Variants in STARD13 observed in about 807,000 individuals in gnomAD.
The protein encoded by STARD13 is StAR related lipid transfer domain containing 13.
STARD13 carries 62 observed loss-of-function variants against 106.4 expected under a neutral mutation model. That is an observed-to-expected ratio of 0.58 (90% CI 0.48 to 0.72). The LOEUF is 0.72. Among genes scored for constraint, STARD13 ranks in the 30% least tolerant of loss-of-function variants. STARD13 has a pLI of 0.00. For synonymous variants in STARD13, 565 were observed against 553.0 expected (o/e 1.02, Z -0.31); for missense variants, 1,387 against 1,424.0 (o/e 0.97, Z 0.42).
At chr13:33,359,992 T>G in the STARD13 span, among the ~76,000 whole-genome samples, 2 of 152,354 alleles carry the variant, frequency 1.3e-5, no homozygotes, top group Admixed American at 1.3e-4. Flanking sequence ...GAATGATTAC[T>G]TCAAAATAAC....
intron 1 of STARD13, among the ~76,000 whole-genome samples, chr13:33,215,745 C>G (rs1325920737): frequency 6.6e-6 from 1 of 152,106 alleles, no homozygotes; most frequent in African/African-American, 2.4e-5. Flanking sequence ...ATAGATAGAA[C>G]AGGAAACTTT....
At chr13:33,134,707 T>G (rs1340415165) in intron 4 of STARD13, among the ~76,000 whole-genome samples, 1 of 152,206 alleles carries the variant, frequency 6.6e-6, no homozygotes, top group African/African-American at 2.4e-5. Context: ...TAGATGAAAC[T>G]AGTTATTGTT....
intron 1 of STARD13, among the ~76,000 whole-genome samples, chr13:33,243,129 A>T (rs1346406944): frequency 4.0e-5 from 6 of 151,882 alleles, no homozygotes; most frequent in African/African-American, 7.2e-5. Flanking sequence ...CCTACCGCCC[A>T]CTCCATAGCA....
At chr13:33,586,839 G>T in the STARD13 span, among the ~76,000 whole-genome samples, 1 of 152,084 alleles carries the variant, frequency 6.6e-6, no homozygotes, top group East Asian at 1.9e-4. Context: ...TTCTGACATT[G>T]GTTCTCATGG....
intron 1 of STARD13, among the ~76,000 whole-genome samples, chr13:33,234,196 G>A (rs1174888346): frequency 6.6e-6 from 1 of 152,154 alleles, no homozygotes; most frequent in African/African-American, 2.4e-5. Flanking sequence ...TCAAACAGAT[G>A]CAGAACATCT....
chr13:33,582,204 A>ATGAGAT, the STARD13 span, among the ~76,000 whole-genome samples: 1 of 150,910 alleles, frequency 6.6e-6, no homozygotes, highest in Non-Finnish European at 1.5e-5. Context: ...CCTGGGCAAC[A>ATGAGAT]GAGTGAGACT....
chr13:33,272,355 C>G (rs1010879733), intron 1 of STARD13, among the ~76,000 whole-genome samples: 6 of 152,172 alleles, frequency 3.9e-5, no homozygotes, highest in African/African-American at 1.4e-4. Context: ...GATTCTGAAG[C>G]GTTTCAGACT....
chr13:33,180,379 C>T (rs2555607), intron 1 of STARD13: 58,325 of 152,066 alleles, frequency 0.38, 11,294 homozygotes, highest in East Asian at 0.5. Flanking sequence ...GCCTGATATG[C>T]GGGGATCTCA....
In STARD13 at chr13:33,104,876, T is replaced by A. The variant is rs1211896861; in HGVS notation, c.*717A>T. On this transcript the variant is annotated 3_prime_UTR_variant, in exon 14 of 14. Coordinates refer to ENST00000336934, the MANE Select transcript of STARD13 (RefSeq NM_178006.4). ...ACTCCTCATCTAGCTTTAAATTTGG[T>A]AATGACTTCTCACCCCCCCATTTGC... is the stretch of plus-strand genomic sequence containing the variant. 3.3e-5 allele frequency: 5 copies of A among 153,606 alleles called. No individual in the cohort carries two copies. The highest frequency in any genetic ancestry group is 7.3e-5 in the Non-Finnish European group (5 of 68,046). The allele number at this position is 153,606 out of a possible 1,614,324, so 9.5% of individuals were successfully genotyped here.
At chr13:33,362,741 C>T in the STARD13 span, among the ~76,000 whole-genome samples, 1 of 152,198 alleles carries the variant, frequency 6.6e-6, no homozygotes, top group South Asian at 2.1e-4. Context: ...GATCAAACTT[C>T]ACTAAACTCT....
the STARD13 span, among the ~76,000 whole-genome samples, chr13:33,577,914 A>C: frequency 6.6e-6 from 1 of 152,092 alleles, no homozygotes; most frequent in Non-Finnish European, 1.5e-5. Context: ...CTGTTAAGAT[A>C]ATGAAAAGAC....
Position 33,110,075 on chromosome 13 carries a change from G to T in STARD13, c.2845C>A (p.Pro949Thr), listed in dbSNP as rs752351561. 3 of 1,614,036 alleles carry T rather than the reference G, an allele frequency of 1.9e-6. No individual in the cohort carries two copies. The African/African-American group carries it at 4.0e-5, about 22-fold the overall frequency. Residue 949 changes from proline (P) to threonine (T), a missense_variant, in exon 12 of 14, where the codon CCG becomes ACG. Coordinates refer to ENST00000336934, the MANE Select transcript of STARD13 (RefSeq NM_178006.4). ...ACAGAAGCCTTCCACAGCTTCAGCGGGTTCCCGTCGCCCACCTTGGGAAAG... is the reference window on the plus strand; with the variant it reads ...ACAGAAGCCTTCCACAGCTTCAGCGTGTTCCCGTCGCCCACCTTGGGAAAG... ...LAFKKVGDGNPLKLWKASVEV... is the reference protein window; with the variant it reads ...LAFKKVGDGNTLKLWKASVEV...
intron 1 of STARD13, among the ~76,000 whole-genome samples, chr13:33,267,321 C>T (rs1451954997): frequency 2.0e-5 from 3 of 152,178 alleles, no homozygotes; most frequent in African/African-American, 2.4e-5. Flanking sequence ...CCAGTAAAGA[C>T]AGGCATGGAC....
At chr13:33,282,878 A>G (rs1337632730) in intron 1 of STARD13, among the ~76,000 whole-genome samples, 2 of 151,894 alleles carry the variant, frequency 1.3e-5, no homozygotes, top group African/African-American at 4.8e-5. Context: ...AAGTTTTAAA[A>G]ATTAGCCAGG....
chr13:33,463,724 T>C, the STARD13 span, among the ~76,000 whole-genome samples: 32 of 152,076 alleles, frequency 2.1e-4, no homozygotes, highest in African/African-American at 7.0e-4. Flanking sequence ...TGTCAAAATA[T>C]ATGCATAGGC....
the STARD13 span, among the ~76,000 whole-genome samples, chr13:33,395,149 G>A: frequency 6.6e-6 from 1 of 152,136 alleles, no homozygotes; most frequent in East Asian, 1.9e-4. Context: ...ACAACTTCTG[G>A]ATTTTCCTTT....
chr13:33,262,528 T>G (rs1890689755), intron 1 of STARD13, among the ~76,000 whole-genome samples: 1 of 152,154 alleles, frequency 6.6e-6, no homozygotes, highest in African/African-American at 2.4e-5. Context: ...AATTTCCTGT[T>G]TGGCATGTTT....
chr13:33,624,371 GC>G, the STARD13 span, among the ~76,000 whole-genome samples: 1 of 152,326 alleles, frequency 6.6e-6, no homozygotes, highest in East Asian at 1.9e-4. Context: ...ACACTTGTGG[GC>G]CCCGCTGCGG....
the STARD13 span, among the ~76,000 whole-genome samples, chr13:33,403,703 A>T: frequency 6.6e-6 from 1 of 152,262 alleles, no homozygotes; most frequent in Non-Finnish European, 1.5e-5. Flanking sequence ...ATAAATAGAC[A>T]TCTTGTCTAA....
Sources: gnomAD v4.1 joint callset for allele counts (sites outside exome capture counted in the v4.1 genomes callset) on GRCh38, gnomAD v4.1.1 for gene constraint, MANE v1.5 for transcripts, NCBI Gene and HGNC (gene_info 2026-07-23, HGNC 2026-07-21) for gene names.